The following DAB1 variants were observed in gnomAD, a reference collection of about 807,000 sequenced individuals.
The protein encoded by DAB1 is disabled homolog 1.
A neutral mutation model predicts 64.6 loss-of-function variants in DAB1; 15 were observed. That is an observed-to-expected ratio of 0.23 (90% confidence interval 0.16 to 0.36). DAB1 has a LOEUF of 0.36. Among genes scored for constraint, DAB1 ranks in the 10% least tolerant of loss-of-function variants. The pLI is 1.00. For missense variants in DAB1, 596 were observed against 706.7 expected (o/e 0.84, Z 1.78); for synonymous variants, 235 against 251.9 (o/e 0.93, Z 0.64).
chr1:58,217,851 T>C (rs1658937365), intron 4 of DAB1, among the ~76,000 whole-genome samples: 1 of 152,174 alleles, frequency 6.6e-6, no homozygotes, highest in African/African-American at 2.4e-5. Context: ...TGGTATATGC[T>C]TCATAAATAT....
At chr1:57,994,389 C>T (rs543784154) in intron 5 of DAB1, among the ~76,000 whole-genome samples, 1 of 152,316 alleles carries the variant, frequency 6.6e-6, no homozygotes, top group South Asian at 2.1e-4. Flanking sequence ...CCCTCTTCCA[C>T]TTCATTTCTG....
At chr1:57,890,250 G>A (rs747722099) in intron 5 of DAB1, among the ~76,000 whole-genome samples, 7 of 152,080 alleles carry the variant, frequency 4.6e-5, no homozygotes, top group Non-Finnish European at 8.8e-5. Flanking sequence ...TCCAGTCTTT[G>A]AGGGGGTAAT....
chr1:58,266,491 C>T (rs942566623), intron 4 of DAB1, among the ~76,000 whole-genome samples: 14 of 152,202 alleles, frequency 9.2e-5, no homozygotes, highest in African/African-American at 3.4e-4. Context: ...AACTGTGGGA[C>T]ATCTGGTAAG....
intron 1 of DAB1, among the ~76,000 whole-genome samples, chr1:57,834,358 G>T (rs1249359308): frequency 1.3e-5 from 2 of 152,148 alleles, no homozygotes; most frequent in South Asian, 2.1e-4. Context: ...CTAATATAAG[G>T]AGAAAGCTTA....
intron 6 of DAB1, among the ~76,000 whole-genome samples, chr1:57,751,138 T>C (rs1290335966): frequency 6.6e-6 from 1 of 152,118 alleles, no homozygotes; most frequent in Non-Finnish European, 1.5e-5. Flanking sequence ...ACCGACTGAC[T>C]ACCTGGGAGG....
chr1:57,728,624 C>T (rs1647283684), intron 6 of DAB1, among the ~76,000 whole-genome samples: 1 of 151,976 alleles, frequency 6.6e-6, no homozygotes, highest in Admixed American at 6.6e-5. Flanking sequence ...AAAAACCACC[C>T]CCTGAGATGT....
At chr1:57,255,991 C>T (rs1669728810) in intron 2 of DAB1, among the ~76,000 whole-genome samples, 2 of 152,148 alleles carry the variant, frequency 1.3e-5, no homozygotes, top group Non-Finnish European at 2.9e-5. Context: ...TGAAATGAAA[C>T]CAACATCATT....
intron 5 of DAB1, among the ~76,000 whole-genome samples, chr1:58,072,483 T>C (rs1434058238): frequency 2.6e-5 from 4 of 152,186 alleles, no homozygotes; most frequent in Non-Finnish European, 5.9e-5. Flanking sequence ...ATTTTTCCAA[T>C]CCTCAGTTTC....
intron 7 of DAB1, among the ~76,000 whole-genome samples, chr1:57,480,518 T>A (rs977159974): frequency 2.0e-5 from 3 of 151,468 alleles, no homozygotes; most frequent in Non-Finnish European, 4.4e-5. Flanking sequence ...AGAGTCTCGC[T>A]CTGTCACCCA....
chr1:57,107,057 A>G (rs1655228961), intron 4 of DAB1, among the ~76,000 whole-genome samples: 1 of 152,030 alleles, frequency 6.6e-6, no homozygotes, highest in South Asian at 2.1e-4. Context: ...ATAGTACGTA[A>G]AAAGATTTCC....
intron 1 of DAB1, among the ~76,000 whole-genome samples, chr1:57,328,374 G>A (rs1267095791): frequency 6.6e-6 from 1 of 152,120 alleles, no homozygotes; most frequent in Admixed American, 6.5e-5. Context: ...AAAGAACCCT[G>A]AGACCACACA....
intron 7 of DAB1, among the ~76,000 whole-genome samples, chr1:57,530,170 G>T (rs1210930442): frequency 6.6e-6 from 1 of 151,970 alleles, no homozygotes; most frequent in Non-Finnish European, 1.5e-5. Context: ...CACTATATTG[G>T]GTCCTATAAA....
chr1:57,934,691 G>A lies in DAB1; in HGVS notation n.388-50529C>T, dbSNP rs186152810. Among the ~76,000 whole-genome samples, 148 of 152,240 alleles carry A rather than the reference G, an allele frequency of 9.7e-4. 1 individual carries two copies. Among genetic ancestry groups the A allele is most frequent in the Middle Eastern group, 3.4e-3 (1 of 294 alleles). On this transcript the variant is annotated intron_variant and non_coding_transcript_variant, in intron 5 of 20. Transcript: ENST00000485760. Reference sequence around the variant, plus strand: ...CAAGACCAGGACCTGATGAACCCAGGATCTGAATCTACGTCATTCTAACTC... The same window carrying A: ...CAAGACCAGGACCTGATGAACCCAGAATCTGAATCTACGTCATTCTAACTC...
At chr1:57,383,652 G>A (rs1214576640) in intron 1 of DAB1, among the ~76,000 whole-genome samples, 2 of 152,140 alleles carry the variant, frequency 1.3e-5, no homozygotes, top group Non-Finnish European at 2.9e-5. Context: ...TAAATTCAGT[G>A]GGGAAAAGAC....
intron 4 of DAB1, among the ~76,000 whole-genome samples, chr1:58,215,917 C>A (rs878989928): frequency 6.6e-6 from 1 of 152,186 alleles, no homozygotes; most frequent in African/African-American, 2.4e-5. Flanking sequence ...CCCATCACAC[C>A]TTACAGACCT....
At chr1:57,671,039 T>C (rs1481545212) in intron 6 of DAB1, among the ~76,000 whole-genome samples, 1 of 152,160 alleles carries the variant, frequency 6.6e-6, no homozygotes, top group Non-Finnish European at 1.5e-5. Context: ...GGATTCAACA[T>C]AGTACTCAGC....
intron 7 of DAB1, among the ~76,000 whole-genome samples, chr1:57,646,197 T>A (rs934347140): frequency 4.6e-5 from 7 of 152,302 alleles, no homozygotes; most frequent in African/African-American, 1.7e-4. Flanking sequence ...AATAGCTCAA[T>A]TATGCCAATT....
intron 2 of DAB1, among the ~76,000 whole-genome samples, chr1:57,217,793 C>T (rs1666538085): frequency 6.6e-6 from 1 of 152,092 alleles, no homozygotes; most frequent in Non-Finnish European, 1.5e-5. Context: ...AATTATTGAA[C>T]TTGCATTTAA....
intron 7 of DAB1, among the ~76,000 whole-genome samples, chr1:57,569,169 A>G (rs958067880): frequency 6.9e-6 from 1 of 145,780 alleles, no homozygotes; most frequent in African/African-American, 2.5e-5. Context: ...GAGGCAGGAG[A>G]ATGGCGTGAA....
Sources: gnomAD v4.1 joint callset for allele counts (sites outside exome capture counted in the v4.1 genomes callset) on GRCh38, gnomAD v4.1.1 for gene constraint, MANE v1.5 for transcripts, NCBI Gene and HGNC (gene_info 2026-07-23, HGNC 2026-07-21) for gene names.